ABCC1: variants seen among roughly 807,000 people sequenced by gnomAD.
ABCC1 encodes multidrug resistance-associated protein 1.
In ABCC1, 83 loss-of-function variants were observed where a neutral mutation model predicts 172.9. The observed-to-expected ratio is 0.48, with a 90% CI of 0.40 to 0.58. The LOEUF (loss-of-function observed/expected upper bound fraction) is 0.58, where lower values mean the gene tolerates loss of function less well. ABCC1 is among the 20% of genes least tolerant of loss of function. The pLI is 0.00. For synonymous variants in ABCC1, 937 were observed against 825.2 expected, an observed-to-expected ratio of 1.14 and a Z score of -2.32; for missense variants, 1,817 against 2,002.7, an observed-to-expected ratio of 0.91 and a Z score of 1.77.
chr16:16,112,844 G>A (rs749692935), intron 22 of ABCC1, among the ~76,000 whole-genome samples: 8 of 152,178 alleles, frequency 5.3e-5, no homozygotes, highest in East Asian at 3.8e-4. Flanking sequence ...ACAGTGCTCC[G>A]AGGTCAGCGT....
chr16:16,123,751 C>A (rs529490151), intron 24 of ABCC1, among the ~76,000 whole-genome samples: 189 of 152,296 alleles, frequency 1.2e-3, no homozygotes, highest in Non-Finnish European at 2.2e-3. Context: ...TTGGTTGACA[C>A]CTGTAATCTC....
At chr16:15,975,540 GGTTTTTTTT>G (rs935816665) in intron 1 of ABCC1, among the ~76,000 whole-genome samples, 16 of 110,194 alleles carry the variant, frequency 1.5e-4, no homozygotes, top group African/African-American at 3.6e-4. Context: ...GTTTTGTGGT[GGTTTTTTTT>G]GTTTTTTTTG....
intron 5 of ABCC1, among the ~76,000 whole-genome samples, chr16:16,017,176 G>A (rs1445535848): frequency 6.6e-6 from 1 of 152,100 alleles, no homozygotes. Context: ...GTGTAGAGAT[G>A]GCCACCGTTT....
chr16:16,026,428 G>A (rs2048370028), intron 5 of ABCC1, among the ~76,000 whole-genome samples: 1 of 59,484 alleles, frequency 1.7e-5, no homozygotes, highest in Non-Finnish European at 3.0e-5. Flanking sequence ...GAGTGAAACC[G>A]TCTCAAAAAA....
At chr16:16,036,042 C>T (rs1381396132) in intron 6 of ABCC1, among the ~76,000 whole-genome samples, 1 of 152,016 alleles carries the variant, frequency 6.6e-6, no homozygotes, top group African/African-American at 2.4e-5. Context: ...GAGAACCACT[C>T]TAGACCGGGA....
Position 16,044,665 on chromosome 16 carries a change from G to A in ABCC1, c.1025G>A (p.Gly342Glu). 6.2e-7 allele frequency: 1 copy of A among 1,614,046 alleles called. No individual in the cohort carries two copies. The highest frequency in any genetic ancestry group is 8.5e-7 in the Non-Finnish European group (1 of 1,179,982). The change falls in exon 8 of 31, where the codon GGG becomes GAG. Residue 342 changes from glycine to glutamate, a missense_variant. Physicochemically the swap from Gly to Glu is moderately conservative, Grantham distance 98. Transcript: ENST00000399410. Reference sequence around the variant, plus strand: ...ATCCACGACCTGATGATGTTTTCCGGGCCGCAGATCTTAAAGTAAGACCCC... The same window carrying A: ...ATCCACGACCTGATGATGTTTTCCGAGCCGCAGATCTTAAAGTAAGACCCC... ...KAIHDLMMFS[G>E]PQILKLLIKF...
At chr16:16,119,133 T>C (rs2045040506) in intron 23 of ABCC1, among the ~76,000 whole-genome samples, 2 of 152,194 alleles carry the variant, frequency 1.3e-5, no homozygotes, top group Non-Finnish European at 1.5e-5. Flanking sequence ...GAGTAGGTAC[T>C]GTGAGATTTC....
intron 10 of ABCC1, among the ~76,000 whole-genome samples, chr16:16,050,169 T>A (rs2151896160): frequency 6.6e-6 from 1 of 152,138 alleles, no homozygotes; most frequent in East Asian, 1.9e-4. Context: ...TATTATCTGT[T>A]ATTGAAAGAG....
intron 1 of ABCC1, among the ~76,000 whole-genome samples, chr16:15,984,170 C>G (rs916373694): frequency 6.6e-6 from 1 of 152,146 alleles, no homozygotes; most frequent in African/African-American, 2.4e-5. Context: ...GGGTTCCACC[C>G]CTTCCGTGGT....
In ABCC1 at chr16:16,124,902, C is replaced by A. The variant is rs1234827131; in HGVS notation, c.3704C>A (p.Ser1235Tyr). Residue 1235 changes from serine to tyrosine, a missense_variant, in exon 25 of 31, where the codon TCT (serine) becomes TAT (tyrosine). Ser to Tyr is a moderately radical substitution (Grantham distance 144). This residue lies in a region of ABCC1 where 1,412 missense variants were observed against 1,600.3 expected (regional missense o/e 0.88). Transcript: ENST00000399410. Reference sequence around the variant, plus strand: ...GCTGGCTTGGTGGGCCTCTCAGTGTCTTACTCATTGCAGGTAAGAGGGGAT... The same window carrying A: ...GCTGGCTTGGTGGGCCTCTCAGTGTATTACTCATTGCAGGTAAGAGGGGAT... ...LSAGLVGLSV[S>Y]YSLQVTTYLN... 8 of 1,614,088 alleles carry A rather than the reference C, an allele frequency of 5.0e-6. No individual in the cohort carries two copies. The highest frequency in any genetic ancestry group is 6.8e-6 in the Non-Finnish European group (8 of 1,180,058).
intron 23 of ABCC1, among the ~76,000 whole-genome samples, chr16:16,121,490 C>G (rs1238023626): frequency 6.6e-6 from 1 of 152,206 alleles, no homozygotes; most frequent in African/African-American, 2.4e-5. Context: ...GAAAACCACA[C>G]TGCTGGTTCC....
rs896309406 is a variant in ABCC1 at position 16,084,510 on chromosome 16, C to A, written c.2292+968C>A. ...TCTTGAATAGCTGGGACTACAGGCC[C>A]CTGCCACCACGCACAGCTAATTTTT... is the stretch of plus-strand genomic sequence containing the variant. On this transcript the variant is annotated intron_variant, in intron 17 of 30. Transcript: ENST00000399410. Among the ~76,000 whole-genome samples, 3 of 148,322 alleles carry A rather than the reference C, an allele frequency of 2.0e-5. No individual in the cohort carries two copies. In the East Asian group the frequency reaches 5.9e-4, roughly 29 times the overall value.
chr16:16,070,728 T>C (rs2050313861), intron 13 of ABCC1, among the ~76,000 whole-genome samples: 1 of 152,080 alleles, frequency 6.6e-6, no homozygotes, highest in Non-Finnish European at 1.5e-5. Flanking sequence ...TTTTTCAGTA[T>C]CCCTCCCTTG....
At chr16:15,997,009 C>T (rs1392862903) in intron 1 of ABCC1, among the ~76,000 whole-genome samples, 1 of 151,952 alleles carries the variant, frequency 6.6e-6, no homozygotes, top group African/African-American at 2.4e-5. Context: ...CATGGAGACA[C>T]AACTTGATCA....
chr16:16,062,278 G>A (rs1006105171), intron 12 of ABCC1, among the ~76,000 whole-genome samples: 4 of 152,182 alleles, frequency 2.6e-5, no homozygotes, highest in African/African-American at 4.8e-5. Context: ...TTCCTGCCCT[G>A]TTCCCCATTA....
chr16:16,042,407 A>G (rs1409522935), intron 7 of ABCC1, among the ~76,000 whole-genome samples: 1 of 152,162 alleles, frequency 6.6e-6, no homozygotes, highest in African/African-American at 2.4e-5. Context: ...AGTGATGTAC[A>G]AGAACGAACT....
At chr16:15,963,954 T>C (rs1403413589) in intron 1 of ABCC1, among the ~76,000 whole-genome samples, 1 of 152,152 alleles carries the variant, frequency 6.6e-6, no homozygotes, top group African/African-American at 2.4e-5. Flanking sequence ...CACACTTTTT[T>C]TTTTTTTGAG....
chr16:15,962,114 G>T (rs1364470354), intron 1 of ABCC1, among the ~76,000 whole-genome samples: 1 of 152,174 alleles, frequency 6.6e-6, no homozygotes. Flanking sequence ...AATTGAGCAA[G>T]CTGGGAAGTG....
chr16:16,043,956 A>C (rs2049092242), intron 7 of ABCC1, among the ~76,000 whole-genome samples: 1 of 152,118 alleles, frequency 6.6e-6, no homozygotes, highest in Non-Finnish European at 1.5e-5. Context: ...CTCCAACTTG[A>C]TTCTTATTTT....
Sources: gnomAD v4.1 joint callset for allele counts (sites outside exome capture counted in the v4.1 genomes callset) on GRCh38, gnomAD v4.1.1 for gene constraint, gnomAD v4.1.1 regional missense constraint, MANE v1.5 for transcripts, NCBI Gene and HGNC (gene_info 2026-07-23, HGNC 2026-07-21) for gene names.